ABHD2: variants seen among roughly 807,000 people sequenced by gnomAD.
ABHD2 encodes monoacylglycerol lipase ABHD2.
A neutral mutation model predicts 48.1 loss-of-function variants in ABHD2; 20 were observed. The ratio of observed to expected loss-of-function variants is 0.42; its 90% CI spans 0.29 to 0.60. The LOEUF is 0.60. ABHD2 is among the 20% of genes least tolerant of loss of function. The pLI is 0.24. For missense variants in ABHD2, 405 were observed against 550.9 expected (o/e 0.74, Z 2.65); for synonymous variants, 209 against 214.2 (o/e 0.98, Z 0.21).
chr15:89,053,898 C>A, the ABHD2 span, among the ~76,000 whole-genome samples: 3 of 152,222 alleles, frequency 2.0e-5, no homozygotes, highest in Admixed American at 6.5e-5. Flanking sequence ...GGACGCCTCA[C>A]CTCCGCATGG....
At chr15:89,076,024 G>A in the ABHD2 span, among the ~76,000 whole-genome samples, 2 of 152,164 alleles carry the variant, frequency 1.3e-5, no homozygotes, top group African/African-American at 2.4e-5. Flanking sequence ...AAAACCACAG[G>A]AGCAGGCATC....
chr15:89,098,760 C>A (rs1039522820), intron 1 of ABHD2, among the ~76,000 whole-genome samples: 3 of 152,194 alleles, frequency 2.0e-5, no homozygotes, highest in African/African-American at 7.2e-5. Flanking sequence ...CTCCATCTAT[C>A]ATTAATATCA....
At chr15:89,079,048 C>T in the ABHD2 span, among the ~76,000 whole-genome samples, 1 of 152,128 alleles carries the variant, frequency 6.6e-6, no homozygotes. The surrounding 1 kb of genome is among the most constrained non-coding windows in gnomAD (Gnocchi z 4.3). Context: ...TGTAGATTAA[C>T]ATCTTATCTT....
chr15:89,153,610 A>T (rs990766324), intron 4 of ABHD2, among the ~76,000 whole-genome samples: 1 of 152,204 alleles, frequency 6.6e-6, no homozygotes, highest in African/African-American at 2.4e-5. Flanking sequence ...ATGACTGACA[A>T]AGGTGCTTCT....
chr15:89,057,443 T>G, the ABHD2 span, among the ~76,000 whole-genome samples: 1 of 152,198 alleles, frequency 6.6e-6, no homozygotes, highest in Non-Finnish European at 1.5e-5. Flanking sequence ...CACTGGGAAG[T>G]TGGGGACTGG....
At chr15:89,090,509 A>G (rs960751844) in intron 1 of ABHD2, 5 of 147,086 alleles carry the variant, frequency 3.4e-5, no homozygotes, top group Non-Finnish European at 5.9e-5. Flanking sequence ...TTCATTTAAC[A>G]TATTCCAGAT....
rs140951266 is a variant in ABHD2 at position 89,181,890 on chromosome 15, G to A, written c.723-3534G>A. Among the ~76,000 whole-genome samples, 531 of 152,268 alleles carry A rather than the reference G, an allele frequency of 3.5e-3. 2 individuals carry two copies. The highest frequency in any genetic ancestry group is 6.5e-3 in the Non-Finnish European group (442 of 68,022). On this transcript the variant is annotated intron_variant, in intron 6 of 10. Transcript: ENST00000352732. ...CCTAATTGTAAATGCCTGTTTGTTG[G>A]GACCCTCTTCTGAGGGATTAAAATC...
chr15:89,084,448 C>T (rs922764885), upstream of ABHD2, among the ~76,000 whole-genome samples: 4 of 152,012 alleles, frequency 2.6e-5, no homozygotes, highest in East Asian at 5.8e-4. The surrounding 1 kb of genome is among the most constrained non-coding windows in gnomAD (Gnocchi z 4.4). Context: ...TACAGGCACA[C>T]GTCACCACAC....
rs995272050 is a variant in ABHD2, at chr15:89,179,673, C to T, written c.722+3678C>T. Among the ~76,000 whole-genome samples the T allele has an allele frequency of 3.9e-5, 6 of 152,062 alleles. No individual in the cohort carries two copies. The highest frequency in any genetic ancestry group is 1.4e-4 in the African/African-American group (6 of 41,390). On this transcript the variant is annotated intron_variant, in intron 6 of 10. Coordinates refer to ENST00000352732, the MANE Select transcript of ABHD2 (RefSeq NM_152924.5). The surrounding 1 kb of genome is among the most constrained non-coding windows in gnomAD (Gnocchi z 4.3). ...GTGCTTGAATCATCCTGAAGCCATC[C>T]CCCTGCCCCTGCCTTCCCTAGGCTG...
chr15:89,142,572 C>T (rs1357415473), intron 3 of ABHD2, among the ~76,000 whole-genome samples: 2 of 152,190 alleles, frequency 1.3e-5, no homozygotes. Flanking sequence ...TATTTCCTCT[C>T]ATTCCTTTTT....
At chr15:89,172,209 A>G (rs939358276) in intron 5 of ABHD2, among the ~76,000 whole-genome samples, 3 of 152,324 alleles carry the variant, frequency 2.0e-5, no homozygotes, top group Non-Finnish European at 2.9e-5. Flanking sequence ...AGTAGTGTTA[A>G]GTATATTGAT....
intron 3 of ABHD2, among the ~76,000 whole-genome samples, chr15:89,144,642 C>T (rs1214512966): frequency 3.3e-5 from 5 of 152,010 alleles, no homozygotes; most frequent in African/African-American, 4.8e-5. Flanking sequence ...AATATGTCAA[C>T]CTACAGAGAC....
Position 89,202,100 on chromosome 15 carries a change from G to A in ABHD2, c.*6677G>A, listed in dbSNP as rs2051471749. 7.9e-6 allele frequency: 2 copies of A among 252,298 alleles called. No individual in the cohort carries two copies. The highest frequency in any genetic ancestry group is 1.2e-4 in the South Asian group (2 of 17,232). The allele number at this position is 252,298 out of a possible 1,614,324, so 15.6% of individuals were successfully genotyped here. ...CTCCGTGCTGCTGGATCTTTGGGGGGAAATACAGGATCCTTCAGCACTGAG... is the reference window on the plus strand; with the variant it reads ...CTCCGTGCTGCTGGATCTTTGGGGGAAAATACAGGATCCTTCAGCACTGAG... On this transcript the variant is annotated 3_prime_UTR_variant, in exon 11 of 11. Transcript: ENST00000352732.
chr15:89,197,427 C>T lies in ABHD2; in HGVS notation c.*2004C>T, dbSNP rs1305618424. 6.6e-6 allele frequency: 1 copy of T among 152,624 alleles called. No individual in the cohort carries two copies. The highest frequency in any genetic ancestry group is 6.5e-5 in the Admixed American group (1 of 15,280). 9.5% of individuals were successfully genotyped at this position (152,624 alleles called of 1,614,324 possible). A position where few individuals can be genotyped will look rare whatever the true frequency, so the allele number is the denominator to read the frequency against. On this transcript the variant is annotated 3_prime_UTR_variant, in exon 11 of 11. Transcript: ENST00000352732. The surrounding 1 kb of genome is among the most constrained non-coding windows in gnomAD (Gnocchi z 4.4). ...TCTCCTCTGTTACTTTTCCCTTCAC[C>T]CAACTACAGCTGTGATCTAGAACAT...
chr15:89,108,325 G>A (rs1311511851), intron 1 of ABHD2, among the ~76,000 whole-genome samples: 1 of 152,196 alleles, frequency 6.6e-6, no homozygotes, highest in Non-Finnish European at 1.5e-5. Flanking sequence ...GCTTGCTGTA[G>A]ATACGTGGCT....
At chr15:89,183,609 C>A (rs1482426450) in intron 6 of ABHD2, among the ~76,000 whole-genome samples, 4 of 151,852 alleles carry the variant, frequency 2.6e-5, no homozygotes, top group Non-Finnish European at 5.9e-5. Context: ...GTCCTGATCC[C>A]TCCCTGAGCC....
intron 9 of ABHD2, 111 bp from the exon 10 acceptor site, chr15:89,193,124 C>T: frequency 1.0e-6 from 1 of 985,204 alleles, no homozygotes; most frequent in Non-Finnish European, 1.6e-6. Flanking sequence ...TGAGCTGTGA[C>T]CCTCTTCCCT....
At chr15:89,139,681 A>G (rs2050372155) in intron 3 of ABHD2, among the ~76,000 whole-genome samples, 1 of 152,170 alleles carries the variant, frequency 6.6e-6, no homozygotes, top group African/African-American at 2.4e-5. Context: ...TCTGAAAACA[A>G]ATCTGTTTGT....
chr15:89,132,015 C>T (rs1398482633), intron 3 of ABHD2, among the ~76,000 whole-genome samples: 2 of 152,108 alleles, frequency 1.3e-5, no homozygotes, highest in Admixed American at 6.5e-5. Flanking sequence ...ATGAGGCATC[C>T]TGTTGGACTT....
Sources: gnomAD v4.1 joint callset for allele counts (sites outside exome capture counted in the v4.1 genomes callset) on GRCh38, gnomAD v4.1.1 for gene constraint, Gnocchi (gnomAD v3.1) non-coding constraint, MANE v1.5 for transcripts, NCBI Gene and HGNC (gene_info 2026-07-23, HGNC 2026-07-21) for gene names.